The following IMMT variants were observed in gnomAD, a reference collection of about 807,000 sequenced individuals.
IMMT encodes the protein inner membrane mitochondrial protein.
In IMMT, 40 loss-of-function variants were observed where a neutral mutation model predicts 92.7. That is an observed-to-expected ratio of 0.43 (90% CI 0.34 to 0.56). The LOEUF is 0.56. IMMT is among the 20% of genes least tolerant of loss of function. IMMT has a pLI of 0.03. For synonymous variants in IMMT, 322 were observed against 336.1 expected (o/e 0.96, Z 0.46); for missense variants, 831 against 912.1 (o/e 0.91, Z 1.14).
chr2:86,156,693 G>T (rs890235423), intron 10 of IMMT, among the ~76,000 whole-genome samples: 4 of 151,872 alleles, frequency 2.6e-5, no homozygotes, highest in African/African-American at 9.7e-5. Flanking sequence ...AAATTAGTAG[G>T]ATTTAGTCTA....
intron 1 of IMMT, among the ~76,000 whole-genome samples, chr2:86,189,583 G>A (rs1672992698): frequency 6.6e-6 from 1 of 152,114 alleles, no homozygotes; most frequent in South Asian, 2.1e-4. Flanking sequence ...TGGACATGGA[G>A]CCTGTAGTAT....
intron 3 of IMMT, 36 bp from the exon 4 acceptor site, chr2:86,173,797 C>T: frequency 8.8e-7 from 1 of 1,134,142 alleles, no homozygotes; most frequent in Non-Finnish European, 1.3e-6. Context: ...TTCAGATATA[C>T]TACTGTTTTT....
At chr2:86,178,260 G>A (rs997208681) in intron 3 of IMMT, among the ~76,000 whole-genome samples, 1 of 146,294 alleles carries the variant, frequency 6.8e-6, no homozygotes, top group African/African-American at 2.5e-5. Context: ...GGAACTTGCA[G>A]TGAGCTGAGA....
chr2:86,183,331 C>T (rs549407719), intron 1 of IMMT, among the ~76,000 whole-genome samples: 1 of 152,160 alleles, frequency 6.6e-6, no homozygotes, highest in African/African-American at 2.4e-5. Flanking sequence ...TTTGTAGAGA[C>T]CAGGTCTTGC....
intron 12 of IMMT, among the ~76,000 whole-genome samples, chr2:86,149,161 A>G (rs979184948): frequency 4.6e-5 from 7 of 152,226 alleles, no homozygotes; most frequent in African/African-American, 1.7e-4. Flanking sequence ...CAGAGACTCT[A>G]CTTTGGACTG....
chr2:86,152,981 A>G (rs1240192248), intron 11 of IMMT, among the ~76,000 whole-genome samples: 1 of 152,214 alleles, frequency 6.6e-6, no homozygotes, highest in African/African-American at 2.4e-5. Flanking sequence ...TTCAAATAAA[A>G]ACTGTAAAGA....
intron 7 of IMMT, among the ~76,000 whole-genome samples, chr2:86,165,638 G>C (rs1201853540): frequency 6.6e-6 from 1 of 152,120 alleles, no homozygotes; most frequent in Non-Finnish European, 1.5e-5. Context: ...ACTTGGAATA[G>C]AGATACATTT....
rs140347101 is a variant in IMMT, at chr2:86,157,121, A to G, written c.1162+1471T>C. Among the ~76,000 whole-genome samples the G allele has an allele frequency of 4.8e-3, 729 of 152,260 alleles. 3 individuals are homozygous for G. The highest frequency in any genetic ancestry group is 0.013 in the Admixed American group (204 of 15,296). On this transcript the variant is annotated intron_variant, in intron 10 of 14. Coordinates refer to ENST00000410111, the MANE Select transcript of IMMT (RefSeq NM_006839.3). ...TTGTCCACAATGCCTTCTTTGCTCG[A>G]TGGTAGCTATCCAGTGTCTAAACAA...
At chr2:86,193,772 A>G (rs17027017) in intron 1 of IMMT, among the ~76,000 whole-genome samples, 4,597 of 152,282 alleles carry the variant, frequency 0.03, 212 homozygotes, top group African/African-American at 0.1. Context: ...CAAGACAGCA[A>G]TTTCAAGAAG....
At chr2:86,156,313 C>T (rs1363463681) in intron 10 of IMMT, among the ~76,000 whole-genome samples, 1 of 152,050 alleles carries the variant, frequency 6.6e-6, no homozygotes, top group Non-Finnish European at 1.5e-5. Context: ...GATAGGCAGC[C>T]GGGCGTGGTG....
rs1003199112 is a variant in IMMT at position 86,159,253 on chromosome 2, T to G, written c.1032+283A>C. Reference sequence around the variant, plus strand: ...GGCGCACACCACCACATCCACTTATTTTTGTATTTTTTGTAGAAACAGAGT... The same window carrying G: ...GGCGCACACCACCACATCCACTTATGTTTGTATTTTTTGTAGAAACAGAGT... On this transcript the variant is annotated intron_variant, in intron 9 of 14. Coordinates refer to ENST00000410111, the MANE Select transcript of IMMT (RefSeq NM_006839.3). The G allele has an allele frequency of 9.8e-6, 4 of 408,094 alleles. No individual in the cohort carries two copies. In the East Asian group the frequency reaches 1.8e-4, roughly 18 times the overall value. 25.3% of individuals were successfully genotyped at this position (408,094 alleles called of 1,614,324 possible).
intron 1 of IMMT, among the ~76,000 whole-genome samples, chr2:86,194,579 T>C (rs12714172): frequency 0.46 from 69,863 of 152,038 alleles, 16,598 homozygotes; most frequent in Non-Finnish European, 0.51. Flanking sequence ...CTGAAAATCA[T>C]GAGCAGTGGA....
At chr2:86,148,360 G>C (rs964905961) in intron 12 of IMMT, among the ~76,000 whole-genome samples, 3 of 152,146 alleles carry the variant, frequency 2.0e-5, no homozygotes, top group Non-Finnish European at 4.4e-5. Context: ...TGTAATCCCA[G>C]CACTTTGGGA....
At chr2:86,159,873 G>A in intron 8 of IMMT, 1 of 374,378 alleles carries the variant, frequency 2.7e-6, no homozygotes, top group Non-Finnish European at 4.7e-6. Flanking sequence ...GGACAACATA[G>A]GGAAACCATG....
chr2:86,159,183 C>A (rs1165651330), intron 9 of IMMT: 2 of 326,584 alleles, frequency 6.1e-6, no homozygotes, highest in East Asian at 1.6e-4. Context: ...CCTCCCAGGC[C>A]CAAGTCATCC....
chr2:86,176,376 T>A (rs3770063), intron 3 of IMMT, among the ~76,000 whole-genome samples: 4,338 of 152,202 alleles, frequency 0.029, 104 homozygotes, highest in East Asian at 0.1. Context: ...CCAGATTCTG[T>A]TAGGAGGAGA....
chr2:86,147,694 G>T lies in IMMT; in HGVS notation c.1533+8C>A. 6.2e-7 allele frequency: 1 copy of T among 1,612,402 alleles called. No individual in the cohort carries two copies. Among genetic ancestry groups the T allele is most frequent in the Non-Finnish European group, 8.5e-7 (1 of 1,179,192 alleles). On this transcript the variant is annotated splice_region_variant and intron_variant, in intron 13 of 14. Transcript: ENST00000410111. The stretch of plus-strand genomic sequence containing the variant: ...AGGGGTGTGGCTGAAGGGAGTCCAG[G>T]TCCTCACCTGCTCAAATTCAGACTT...
chr2:86,170,447 G>A (rs1176129827), intron 6 of IMMT, among the ~76,000 whole-genome samples: 1 of 152,110 alleles, frequency 6.6e-6, no homozygotes, highest in Non-Finnish European at 1.5e-5. Context: ...TTTTAGGCAA[G>A]CTGCTAAAAC....
chr2:86,187,020 ATTTT>A (rs1361748754), intron 1 of IMMT, among the ~76,000 whole-genome samples: 1 of 150,034 alleles, frequency 6.7e-6, no homozygotes, highest in Non-Finnish European at 1.5e-5. Flanking sequence ...GGTGGCAGGT[ATTTT>A]TTTTTTCCTC....
Sources: gnomAD v4.1 joint callset for allele counts (sites outside exome capture counted in the v4.1 genomes callset) on GRCh38, gnomAD v4.1.1 for gene constraint, MANE v1.5 for transcripts, NCBI Gene and HGNC (gene_info 2026-07-23, HGNC 2026-07-21) for gene names.